Variants in ST6GALNAC5 observed in about 807,000 individuals in gnomAD.
The protein encoded by ST6GALNAC5 is alpha-N-acetylgalactosaminide alpha-2,6-sialyltransferase 5.
In ST6GALNAC5, 27 loss-of-function variants were observed where a neutral mutation model predicts 33.6. That is an observed-to-expected ratio of 0.80 (90% CI 0.59 to 1.11). ST6GALNAC5 has a LOEUF of 1.11. Ranked by LOEUF, ST6GALNAC5 falls within the 50% of genes least tolerant of loss-of-function variation. The probability of loss-of-function intolerance (pLI) is 0.00; values close to 1 mark genes in which losing one functional copy is unlikely to be tolerated. For synonymous variants in ST6GALNAC5, 194 were observed against 171.2 expected, an observed-to-expected ratio of 1.13 and a Z score of -1.04; for missense variants, 428 against 454.0, an observed-to-expected ratio of 0.94 and a Z score of 0.52.
At chr1:76,963,982 A>G (rs932284501) in intron 2 of ST6GALNAC5, among the ~76,000 whole-genome samples, 2 of 152,140 alleles carry the variant, frequency 1.3e-5, no homozygotes, top group Non-Finnish European at 2.9e-5. Context: ...GTTTTTGAAG[A>G]TAGAGGAGGG....
Position 77,044,191 on chromosome 1 carries a change from C to G in ST6GALNAC5, c.262-13C>G. Reference sequence around the variant, plus strand: ...TTTGCCCCTGACAGTGTCCTTCTCCCCCTGCCTTCCAGCCCCTGAAAATGC... The same window carrying G: ...TTTGCCCCTGACAGTGTCCTTCTCCGCCTGCCTTCCAGCCCCTGAAAATGC... On this transcript the variant is annotated splice_polypyrimidine_tract_variant and intron_variant, in intron 2 of 4. Transcript: ENST00000477717. 1.3e-6 allele frequency: 2 copies of G among 1,583,382 alleles called. No homozygotes were observed. Among genetic ancestry groups the G allele is most frequent in the Non-Finnish European group, 8.6e-7 (1 of 1,161,638 alleles).
rs1652179750 is a variant in ST6GALNAC5 at position 77,050,339 on chromosome 1, T to C, written c.753T>C (p.Tyr251=). ...ALELCDRINV[Y]GMVPPDFCRD... is the part of the protein sequence containing the mutation. ...AGCTCTGTGACAGGATCAATGTTTA[T>C]GGCATGGTGCCCCCAGACTTCTGCA... The change falls in exon 4 of 5, where the codon TAT becomes TAC. Residue 251 remains tyrosine (Y), a synonymous_variant. Coordinates refer to ENST00000477717, the MANE Select transcript of ST6GALNAC5 (RefSeq NM_030965.3). 6 of 1,614,120 alleles carry C rather than the reference T, an allele frequency of 3.7e-6. No individual in the cohort carries two copies. Among genetic ancestry groups the C allele is most frequent in the Non-Finnish European group, 5.1e-6 (6 of 1,179,930 alleles).
chr1:76,872,575 T>C (rs1431431059), intron 2 of ST6GALNAC5, among the ~76,000 whole-genome samples: 2 of 152,188 alleles, frequency 1.3e-5, no homozygotes, highest in Non-Finnish European at 2.9e-5. Context: ...GACAAGTGAA[T>C]GCAAGAACTG....
At chr1:77,052,563 GAT>G (rs1279801574) in intron 4 of ST6GALNAC5, among the ~76,000 whole-genome samples, 8 of 151,786 alleles carry the variant, frequency 5.3e-5, no homozygotes, top group African/African-American at 1.5e-4. Context: ...ATATTAATAA[GAT>G]ATGTAAAATA....
chr1:76,981,182 C>T (rs1056149860), intron 2 of ST6GALNAC5, among the ~76,000 whole-genome samples: 19 of 152,148 alleles, frequency 1.2e-4, no homozygotes, highest in South Asian at 6.2e-4. Flanking sequence ...TGAAGCAGAG[C>T]GGGCATCGCC....
intron 2 of ST6GALNAC5, among the ~76,000 whole-genome samples, chr1:76,970,352 A>G (rs1648695632): frequency 6.6e-6 from 1 of 151,974 alleles, no homozygotes; most frequent in Admixed American, 6.6e-5. Context: ...AGTGTAGAGA[A>G]GACCTTAAAT....
intron 2 of ST6GALNAC5, among the ~76,000 whole-genome samples, chr1:77,007,928 A>C (rs1011126089): frequency 1.3e-5 from 2 of 152,226 alleles, no homozygotes; most frequent in Non-Finnish European, 2.9e-5. Flanking sequence ...TACAGCTCAA[A>C]GGGCACTGAA....
chr1:76,911,016 A>G (rs544077103), intron 2 of ST6GALNAC5, among the ~76,000 whole-genome samples: 21 of 152,232 alleles, frequency 1.4e-4, no homozygotes, highest in African/African-American at 4.3e-4. Context: ...ATCTACATTC[A>G]GCTCTTAAAA....
chr1:77,012,504 G>A (rs373267851), intron 2 of ST6GALNAC5, among the ~76,000 whole-genome samples: 1 of 152,232 alleles, frequency 6.6e-6, no homozygotes, highest in Non-Finnish European at 1.5e-5. Context: ...GACACGAAAT[G>A]CAAGCAGATT....
At chr1:77,013,453 C>T (rs918429416) in intron 2 of ST6GALNAC5, among the ~76,000 whole-genome samples, 3 of 152,170 alleles carry the variant, frequency 2.0e-5, no homozygotes, top group East Asian at 1.9e-4. Flanking sequence ...TTTGATTTTA[C>T]GTATCGTCTT....
intron 2 of ST6GALNAC5, among the ~76,000 whole-genome samples, chr1:76,911,924 T>G (rs1646918035): frequency 6.6e-6 from 1 of 152,214 alleles, no homozygotes; most frequent in African/African-American, 2.4e-5. Flanking sequence ...CTCTATTTCC[T>G]TCAGTTCTGC....
chr1:76,914,236 A>C (rs891254977), intron 2 of ST6GALNAC5, among the ~76,000 whole-genome samples: 1 of 152,234 alleles, frequency 6.6e-6, no homozygotes, highest in East Asian at 1.9e-4. Context: ...GGTAGGAAGA[A>C]TCAATATCGT....
At chr1:77,002,197 T>C (rs1353781703) in intron 2 of ST6GALNAC5, among the ~76,000 whole-genome samples, 1 of 151,192 alleles carries the variant, frequency 6.6e-6, no homozygotes, top group Non-Finnish European at 1.5e-5. Flanking sequence ...AGAGATTCAA[T>C]TTCTTCCTGG....
chr1:77,016,575 G>A (rs991037286), intron 2 of ST6GALNAC5, among the ~76,000 whole-genome samples: 2 of 151,804 alleles, frequency 1.3e-5, no homozygotes, highest in African/African-American at 4.8e-5. Flanking sequence ...TCTGATCAAA[G>A]TCACTTGGTG....
chr1:76,940,426 TC>T (rs1475508542), intron 2 of ST6GALNAC5, among the ~76,000 whole-genome samples: 2 of 152,090 alleles, frequency 1.3e-5, no homozygotes, highest in African/African-American at 4.8e-5. Flanking sequence ...CTTGTACATG[TC>T]AAATAGTAAC....
At chr1:76,992,795 A>G in intron 2 of ST6GALNAC5, among the ~76,000 whole-genome samples, 1 of 152,154 alleles carries the variant, frequency 6.6e-6, no homozygotes, top group Admixed American at 6.5e-5. Context: ...GAGCCCATAA[A>G]TAATAATAAG....
chr1:76,968,417 G>A (rs1245498275), intron 2 of ST6GALNAC5, among the ~76,000 whole-genome samples: 1 of 149,000 alleles, frequency 6.7e-6, no homozygotes, highest in Admixed American at 6.6e-5. Context: ...CTGCTTTTTT[G>A]CCTTCCATTT....
At chr1:76,878,310 C>A (rs908652129) in intron 2 of ST6GALNAC5, among the ~76,000 whole-genome samples, 4 of 152,118 alleles carry the variant, frequency 2.6e-5, no homozygotes, top group African/African-American at 7.2e-5. Flanking sequence ...TATGTCTATG[C>A]CAGTTATGCA....
intron 2 of ST6GALNAC5, among the ~76,000 whole-genome samples, chr1:77,002,143 T>G (rs34931439): frequency 0.35 from 52,458 of 151,906 alleles, 11,072 homozygotes; most frequent in East Asian, 0.49. Context: ...GTTGGTAAAC[T>G]ATTGATTATT....
Sources: allele counts gnomAD v4.1 joint callset (sites outside exome capture counted in the v4.1 genomes callset), GRCh38; gene constraint gnomAD v4.1.1; transcripts MANE v1.5; gene names NCBI Gene and HGNC (gene_info 2026-07-23, HGNC 2026-07-21).